DCDC2C: variants seen among roughly 807,000 people sequenced by gnomAD.
DCDC2C encodes the protein doublecortin domain-containing protein 2C.
In DCDC2C, 44 loss-of-function variants were observed where a neutral mutation model predicts 45.0. The observed-to-expected ratio is 0.98, with a 90% CI of 0.77 to 1.26. The LOEUF is 1.26. Ranked by LOEUF, DCDC2C falls within the 50% of genes most tolerant of loss-of-function variation. The pLI is 0.00. For missense variants in DCDC2C, 447 were observed against 468.9 expected, an observed-to-expected ratio of 0.95 and a Z score of 0.43; for synonymous variants, 187 against 178.8, an observed-to-expected ratio of 1.05 and a Z score of -0.37.
chr2:3,747,119 A>G (rs1669390376), intron 4 of DCDC2C, among the ~76,000 whole-genome samples: 1 of 152,180 alleles, frequency 6.6e-6, no homozygotes. Context: ...AGAGCTAATG[A>G]TGAATGCCAG....
intron 5 of DCDC2C, 99 bp from the exon 6 acceptor site, chr2:3,754,493 G>A: frequency 8.3e-7 from 1 of 1,203,676 alleles, no homozygotes; most frequent in Non-Finnish European, 1.2e-6. Context: ...TCCTCCTCGT[G>A]GTCACTTCCC....
chr2:3,764,195 A>C (rs1172103703), intron 6 of DCDC2C, among the ~76,000 whole-genome samples: 6 of 152,214 alleles, frequency 3.9e-5, no homozygotes. Flanking sequence ...CTCCACGTTT[A>C]AAAGACAGTT....
intron 2 of DCDC2C, among the ~76,000 whole-genome samples, chr2:3,723,195 A>G (rs901230505): frequency 6.6e-6 from 1 of 152,188 alleles, no homozygotes; most frequent in Non-Finnish European, 1.5e-5. Flanking sequence ...CTCATCGTTC[A>G]GGCACTGAAG....
intron 8 of DCDC2C, among the ~76,000 whole-genome samples, 190 bp downstream of exon 8, chr2:3,769,601 C>G (rs992943105): frequency 1.3e-5 from 2 of 152,202 alleles, no homozygotes; most frequent in Admixed American, 6.5e-5. Context: ...CCACCTCCCC[C>G]ACAGCTTCTG....
intron 6 of DCDC2C, among the ~76,000 whole-genome samples, chr2:3,762,628 T>G (rs1035830724): frequency 2.6e-5 from 4 of 151,860 alleles, no homozygotes; most frequent in African/African-American, 7.3e-5. Context: ...CTTAACCTGA[T>G]CTCGTGAGAA....
At chr2:3,789,103 C>T (rs1343430811) in intron 10 of DCDC2C, among the ~76,000 whole-genome samples, 1 of 152,110 alleles carries the variant, frequency 6.6e-6, no homozygotes, top group Non-Finnish European at 1.5e-5. Context: ...CCACCCACCT[C>T]AGCCTCCCAA....
intron 10 of DCDC2C, among the ~76,000 whole-genome samples, chr2:3,808,946 AT>A (rs903420687): frequency 3.3e-5 from 5 of 151,646 alleles, no homozygotes; most frequent in African/African-American, 4.8e-5. Flanking sequence ...AGGAATGAGG[AT>A]TTTTTTTTAA....
intron 2 of DCDC2C, among the ~76,000 whole-genome samples, chr2:3,725,015 G>A (rs912979726): frequency 2.0e-5 from 3 of 152,126 alleles, no homozygotes; most frequent in East Asian, 1.9e-4. Context: ...CAGCTTGGAG[G>A]GGAGGGTGTG....
chr2:3,725,364 C>G (rs908093875), intron 2 of DCDC2C, among the ~76,000 whole-genome samples: 1 of 147,610 alleles, frequency 6.8e-6, no homozygotes, highest in African/African-American at 2.5e-5. Context: ...GGCTGGGGAC[C>G]AGGGTGGCTG....
chr2:3,742,061 T>C lies in DCDC2C; in HGVS notation c.545+13T>C. ...GAGGCGTTCGGAAGTAAGGAGACTC[T>C]CGCCTTTAGGACAGCCAGGGGGCGG... On this transcript the variant is annotated intron_variant, in intron 4 of 10. Transcript: ENST00000399143. 6.6e-7 allele frequency: 1 copy of C among 1,526,534 alleles called. No individual in the cohort carries two copies. The highest frequency in any genetic ancestry group is 1.3e-5 in the South Asian group (1 of 78,156). 94.6% of individuals were successfully genotyped at this position (1,526,534 alleles called of 1,614,324 possible). A position where few individuals can be genotyped will look rare whatever the true frequency, so the allele number is the denominator to read the frequency against.
chr2:3,759,765 G>A (rs1669827454), intron 6 of DCDC2C, among the ~76,000 whole-genome samples: 1 of 152,250 alleles, frequency 6.6e-6, no homozygotes, highest in Admixed American at 6.5e-5. Flanking sequence ...TTCCTTGTGT[G>A]TCCAGCAGAG....
At chr2:3,830,908 G>A (rs979759957) in intron 10 of DCDC2C, among the ~76,000 whole-genome samples, 6 of 152,028 alleles carry the variant, frequency 3.9e-5, no homozygotes, top group African/African-American at 1.2e-4. Flanking sequence ...TTTGTTGGCC[G>A]AACTCACTCA....
chr2:3,821,976 C>T (rs1671697424), intron 10 of DCDC2C, among the ~76,000 whole-genome samples: 1 of 152,270 alleles, frequency 6.6e-6, no homozygotes, highest in African/African-American at 2.4e-5. Context: ...ACTATGTACC[C>T]ATTAACAGTC....
chr2:3,769,544 T>A (rs1367766227), intron 8 of DCDC2C, 133 bp downstream of exon 8: 3 of 764,026 alleles, frequency 3.9e-6, no homozygotes, highest in Non-Finnish European at 6.4e-6. Context: ...TCCTCCTAGT[T>A]AGAGACTGCT....
At chr2:3,733,600 G>C (rs1171705365) in intron 3 of DCDC2C, among the ~76,000 whole-genome samples, 5 of 152,216 alleles carry the variant, frequency 3.3e-5, no homozygotes, top group Non-Finnish European at 2.9e-5. Context: ...GTGCTAGCAG[G>C]TTTGGTGTCT....
chr2:3,795,054 A>T (rs1038538499), intron 10 of DCDC2C, among the ~76,000 whole-genome samples: 2 of 152,052 alleles, frequency 1.3e-5, no homozygotes, highest in African/African-American at 4.8e-5. Flanking sequence ...AATGATTGCC[A>T]TTCTAACTGG....
At chr2:3,797,363 A>G (rs1414067790) in intron 10 of DCDC2C, among the ~76,000 whole-genome samples, 2 of 151,288 alleles carry the variant, frequency 1.3e-5, no homozygotes, top group African/African-American at 4.9e-5. Context: ...TTGTGTCTCT[A>G]TTTCCTTCAG....
At chr2:3,757,580 A>G (rs1669755451) in intron 6 of DCDC2C, among the ~76,000 whole-genome samples, 1 of 152,184 alleles carries the variant, frequency 6.6e-6, no homozygotes, top group Non-Finnish European at 1.5e-5. Flanking sequence ...TGGGGCACTC[A>G]TTGATTCATC....
intron 4 of DCDC2C, among the ~76,000 whole-genome samples, chr2:3,750,347 G>GTCACC: frequency 6.6e-6 from 1 of 152,044 alleles, no homozygotes; most frequent in East Asian, 1.9e-4. Context: ...CTTGTATTTG[G>GTCACC]TCACCTTTAC....
Sources: allele counts gnomAD v4.1 joint callset (sites outside exome capture counted in the v4.1 genomes callset), GRCh38; gene constraint gnomAD v4.1.1; transcripts MANE v1.5; gene names NCBI Gene and HGNC (gene_info 2026-07-23, HGNC 2026-07-21).